HECTD4: variants seen among roughly 807,000 people sequenced by gnomAD.
The protein encoded by HECTD4 is probable E3 ubiquitin-protein ligase HECTD4.
HECTD4 carries 114 observed loss-of-function variants against 471.5 expected under a neutral mutation model. The observed-to-expected ratio is 0.24, with a 90% CI of 0.21 to 0.28. HECTD4 has a LOEUF of 0.28. HECTD4 is among the 10% of genes least tolerant of loss of function. The pLI is 1.00. For missense variants in HECTD4, 3,866 were observed against 5,651.5 expected (o/e 0.68, Z 10.13); for synonymous variants, 2,012 against 2,256.0 (o/e 0.89, Z 3.07).
chr12:112,163,256 G>T lies in HECTD4; in HGVS notation c.12906C>A (p.Thr4302=), dbSNP rs760129905. 6.2e-7 allele frequency: 1 copy of T among 1,612,640 alleles called. No individual in the cohort carries two copies. Among genetic ancestry groups the T allele is most frequent in the African/African-American group, 1.3e-5 (1 of 74,928 alleles). ...YINLEFLKAH[T]MYQVGLMETD... Reference sequence around the variant, plus strand: ...TCTCCATCAGCCCCACTTGGTACATGGTGTGGGCCTGGGGAGGAGAGGTCC... The same window carrying T: ...TCTCCATCAGCCCCACTTGGTACATTGTGTGGGCCTGGGGAGGAGAGGTCC... The change falls in exon 75 of 76, where the codon ACC becomes ACA. Residue 4302 remains threonine (T), a synonymous_variant. Transcript: ENST00000682272. The surrounding 1 kb of genome is among the most constrained non-coding windows in gnomAD (Gnocchi z 8.2).
intron 15 of HECTD4, among the ~76,000 whole-genome samples, 180 bp downstream of exon 15, chr12:112,265,698 A>G (rs2135609508): frequency 1.3e-5 from 2 of 152,310 alleles, no homozygotes; most frequent in South Asian, 4.1e-4. Context: ...GAAATGTGCA[A>G]TTATCAGTTC....
intron 1 of HECTD4, among the ~76,000 whole-genome samples, chr12:112,375,530 C>T (rs1594086229): frequency 6.6e-6 from 1 of 152,168 alleles, no homozygotes; most frequent in East Asian, 1.9e-4. Context: ...TCTGTCAATA[C>T]TCTTATATAC....
In HECTD4 at chr12:112,175,717, C is replaced by T. The variant is rs771261927; in HGVS notation, c.11594+19G>A. 1.2e-5 allele frequency: 19 copies of T among 1,608,800 alleles called. No homozygotes were observed. The Admixed American group carries it at 1.2e-4, about 10-fold the overall frequency. On this transcript the variant is annotated intron_variant, in intron 66 of 75. Transcript: ENST00000682272. ...TTTCTATGCAAGGTGCCAACTGAGT[C>T]GAGGGGTAACCCTCTTACCTCTCAA...
At chr12:112,187,928 G>A (rs1213368794) in intron 60 of HECTD4, among the ~76,000 whole-genome samples, 3 of 151,524 alleles carry the variant, frequency 2.0e-5, no homozygotes, top group African/African-American at 7.3e-5. Flanking sequence ...GCCCAGCCAA[G>A]GTTTCCTTAA....
intron 18 of HECTD4, among the ~76,000 whole-genome samples, chr12:112,260,488 A>G (rs911518741): frequency 6.6e-6 from 1 of 152,154 alleles, no homozygotes; most frequent in African/African-American, 2.4e-5. Flanking sequence ...CAAAAATTAC[A>G]CTGTAGGATT....
intron 13 of HECTD4, among the ~76,000 whole-genome samples, chr12:112,269,003 T>C (rs1447643226): frequency 6.7e-6 from 1 of 149,206 alleles, no homozygotes; most frequent in African/African-American, 2.5e-5. Flanking sequence ...GCCTCCCGTG[T>C]AGCTGGGACT....
chr12:112,206,262 G>C (rs559425649), intron 52 of HECTD4, among the ~76,000 whole-genome samples: 1 of 152,148 alleles, frequency 6.6e-6, no homozygotes, highest in East Asian at 1.9e-4. Context: ...TTGGAGGCCC[G>C]GGTGGGAAGA....
At position 112,213,802 on chromosome 12, in the gene HECTD4, G is replaced by GC. The variant is rs1305269411; in HGVS notation, c.7466-1153dup. Among the ~76,000 whole-genome samples, 1 of 150,998 alleles carries GC rather than the reference G, an allele frequency of 6.6e-6. No homozygotes were observed. Among genetic ancestry groups the GC allele is most frequent in the Non-Finnish European group, 1.5e-5 (1 of 67,830 alleles). ...TTTGGGAGGCCAAGGTGGGAAGATTGCTTGAGCCCAGGAGTTCAAGACCAG... is the reference window on the plus strand; with the variant it reads ...TTTGGGAGGCCAAGGTGGGAAGATTGCCTTGAGCCCAGGAGTTCAAGACCAG... On this transcript the variant is annotated intron_variant, in intron 48 of 75. Coordinates refer to ENST00000682272, the MANE Select transcript of HECTD4 (RefSeq NM_001388303.1). The surrounding 1 kb of genome is among the most constrained non-coding windows in gnomAD (Gnocchi z 4.0).
intron 44 of HECTD4, among the ~76,000 whole-genome samples, chr12:112,224,109 T>C (rs1037946660): frequency 2.0e-5 from 3 of 152,116 alleles, no homozygotes; most frequent in African/African-American, 7.2e-5. Flanking sequence ...GCCTCCCTTG[T>C]AGGCCTAAGA....
At chr12:112,339,276 C>T (rs1431776565) in intron 1 of HECTD4, among the ~76,000 whole-genome samples, 1 of 137,072 alleles carries the variant, frequency 7.3e-6, no homozygotes, top group African/African-American at 3.1e-5. Context: ...TGACACATAT[C>T]AACACACAAG....
chr12:112,163,960 C>T lies in HECTD4; in HGVS notation c.12701+149G>A. ...GAGGACCCTCTTTCTTGGCACCCAC[C>T]ATCCTGCCTCATCTCCCTCTCCTGG... On this transcript the variant is annotated intron_variant, in intron 73 of 75. Transcript: ENST00000682272. The surrounding 1 kb of genome is among the most constrained non-coding windows in gnomAD (Gnocchi z 8.2). 2 of 916,576 alleles carry T rather than the reference C, an allele frequency of 2.2e-6. No homozygotes were observed. Among genetic ancestry groups the T allele is most frequent in the South Asian group, 2.4e-5 (1 of 41,704 alleles). The allele number at this position is 916,576 out of a possible 1,614,324, so 56.8% of individuals were successfully genotyped here.
chr12:112,174,042 A>G (rs1442981500), intron 66 of HECTD4, among the ~76,000 whole-genome samples: 1 of 151,370 alleles, frequency 6.6e-6, no homozygotes, highest in African/African-American at 2.4e-5. Flanking sequence ...CAATGGCGCA[A>G]TCTCAGCTCA....
At position 112,194,889 on chromosome 12, in the gene HECTD4, G is replaced by A. The variant is rs1355101472; in HGVS notation, c.8745C>T (p.Leu2915=). Residue 2915 remains leucine (L), a synonymous_variant, in exon 56 of 76, where the codon CTC becomes CTT. Transcript: ENST00000682272. This position sits in a 1 kb window ranked among gnomAD's most constrained non-coding sequence, Gnocchi z 4.6. Reference sequence around the variant, plus strand: ...AGCAGCAAAGCCAAGTTTTACCTGGGAGAGGAGGTGCGAGGAGCTGATTGG... The same window carrying A: ...AGCAGCAAAGCCAAGTTTTACCTGGAAGAGGAGGTGCGAGGAGCTGATTGG... ...LLSNQLLAPP[L]PDGTISSSSI... is the part of the protein sequence containing the mutation. The A allele has an allele frequency of 6.2e-7, 1 of 1,604,524 alleles. No individual in the cohort carries two copies. The highest frequency in any genetic ancestry group is 1.3e-5 in the African/African-American group (1 of 74,958).
In HECTD4 at chr12:112,164,131, G is replaced by A. The variant is rs557862489; in HGVS notation, c.12679C>T (p.Arg4227Trp). 9 of 1,608,668 alleles carry A rather than the reference G, an allele frequency of 5.6e-6. No homozygotes were observed. Among genetic ancestry groups the A allele is most frequent in the Admixed American group, 1.7e-5 (1 of 59,754 alleles). ...MTGEEVELCSRGRHILVAWEN... is the reference protein window; with the variant it reads ...MTGEEVELCSWGRHILVAWEN... The stretch of plus-strand genomic sequence containing the variant: ...CACGCCACAAGGATGTGCCGGCCCC[G>A]GCTGCACAGCTCCACCTCCTCGCCC... Residue 4227 changes from arginine to tryptophan, a missense_variant, in exon 73 of 76, where the codon CGG becomes TGG. This residue lies in a region of HECTD4 where 715 missense variants were observed against 1,087.6 expected (regional missense o/e 0.66). Transcript: ENST00000682272.
intron 1 of HECTD4, among the ~76,000 whole-genome samples, chr12:112,351,945 T>C (rs1471698783): frequency 6.6e-6 from 1 of 152,228 alleles, no homozygotes; most frequent in Non-Finnish European, 1.5e-5. Flanking sequence ...GGCCTACCAT[T>C]TCCCTTCACT....
intron 43 of HECTD4, among the ~76,000 whole-genome samples, chr12:112,227,182 G>A (rs150749191): frequency 2.0e-5 from 3 of 152,300 alleles, no homozygotes; most frequent in Non-Finnish European, 4.4e-5. Flanking sequence ...ATTGTTGGCC[G>A]GGCATGGTGG....
At chr12:112,272,064 G>A (rs1203710091) in intron 11 of HECTD4, among the ~76,000 whole-genome samples, 1 of 151,642 alleles carries the variant, frequency 6.6e-6, no homozygotes, top group African/African-American at 2.4e-5. Flanking sequence ...TTTTGAGACA[G>A]AGTTTCAAAA....
rs766361702 is a variant in HECTD4 at position 112,167,930 on chromosome 12, C to T, written c.12209-13G>A. ...CGGAAAGAGCCGCCTGTAGGACAGA[C>T]GAGACACATGGGCACCTGGGGTGTC... On this transcript the variant is annotated splice_polypyrimidine_tract_variant and intron_variant, in intron 70 of 75. Coordinates refer to ENST00000682272, the MANE Select transcript of HECTD4 (RefSeq NM_001388303.1). The T allele has an allele frequency of 1.2e-5, 20 of 1,608,056 alleles. No homozygotes were observed. Among genetic ancestry groups the T allele is most frequent in the East Asian group, 8.9e-5 (4 of 44,868 alleles).
intron 69 of HECTD4, 30 bp from the exon 70 acceptor site, chr12:112,169,688 C>A (rs1364633369): frequency 6.2e-7 from 1 of 1,610,782 alleles, no homozygotes. Flanking sequence ...GATCAAAGCA[C>A]CCCGCCGTGG....
Sources: gnomAD v4.1 joint callset for allele counts (sites outside exome capture counted in the v4.1 genomes callset) on GRCh38, gnomAD v4.1.1 for gene constraint, gnomAD v4.1.1 regional missense constraint, Gnocchi (gnomAD v3.1) non-coding constraint, MANE v1.5 for transcripts, NCBI Gene and HGNC (gene_info 2026-07-23, HGNC 2026-07-21) for gene names.